The following DIP2B variants were observed in gnomAD, a reference collection of about 807,000 sequenced individuals.
DIP2B encodes DIP2 acetate--CoA ligase B (putative).
A neutral mutation model predicts 198.0 loss-of-function variants in DIP2B; 76 were observed. The observed-to-expected ratio is 0.38, with a 90% CI of 0.32 to 0.46. DIP2B has a LOEUF of 0.46. Ranked by LOEUF, DIP2B falls within the 20% of genes least tolerant of loss-of-function variation. The pLI is 0.99. For synonymous variants in DIP2B, 701 were observed against 739.1 expected (o/e 0.95, Z 0.84); for missense variants, 1,559 against 1,978.4 (o/e 0.79, Z 4.02).
At chr12:50,565,951 T>C (rs1958560054) in intron 1 of DIP2B, among the ~76,000 whole-genome samples, 1 of 152,224 alleles carries the variant, frequency 6.6e-6, no homozygotes, top group African/African-American at 2.4e-5. Context: ...ATTTCATCTT[T>C]TTTTTTTAAA....
At chr12:50,623,431 ACACACACTCT>A (rs1236888580) in intron 1 of DIP2B, among the ~76,000 whole-genome samples, 533 of 51,528 alleles carry the variant, frequency 0.01, no homozygotes, top group Non-Finnish European at 0.015. Flanking sequence ...ACACACACAC[ACACACACTCT>A]CTCTCTCTCT....
At chr12:50,676,186 G>A (rs943319468) in intron 7 of DIP2B, among the ~76,000 whole-genome samples, 9 of 152,226 alleles carry the variant, frequency 5.9e-5, no homozygotes, top group East Asian at 3.9e-4. Context: ...AATGAGAATG[G>A]CCATTTGATA....
At chr12:50,741,373 A>G (rs750887131) in intron 36 of DIP2B, 43 bp from the exon 37 acceptor site, 3 of 1,600,036 alleles carry the variant, frequency 1.9e-6, no homozygotes, top group African/African-American at 1.3e-5. Context: ...TGTTGCACTC[A>G]GTATATGTCC....
chr12:50,710,444 A>T (rs1939595331), intron 22 of DIP2B, among the ~76,000 whole-genome samples: 2 of 150,686 alleles, frequency 1.3e-5, no homozygotes, highest in African/African-American at 4.9e-5. Flanking sequence ...TTTTTTTGAG[A>T]TGGAGTTTCT....
intron 1 of DIP2B, among the ~76,000 whole-genome samples, chr12:50,557,373 A>C (rs1958480670): frequency 6.6e-6 from 1 of 152,192 alleles, no homozygotes; most frequent in Non-Finnish European, 1.5e-5. Flanking sequence ...GGACACAGGC[A>C]GGAGTGAGTA....
In DIP2B at chr12:50,727,750, C is replaced by T. The variant is rs373279057; in HGVS notation, c.3448C>T (p.Pro1150Ser). Residue 1150 changes from proline to serine, a missense_variant, in exon 29 of 38, where the codon CCT (proline) becomes TCT (serine). By Grantham distance (74) the Pro-to-Ser change is moderately conservative. Transcript: ENST00000301180. ...RLPQLYKPPT[P>S]EMLAYLDFSV... ...ACCTCAGCTGTATAAACCGCCCACT[C>T]CTGAGATGTTGGCATATCTTGATTT... The T allele has an allele frequency of 3.1e-4, 497 of 1,614,188 alleles. 4 individuals carry two copies. The South Asian group carries it at 4.7e-3, about 15-fold the overall frequency.
At chr12:50,528,076 C>T (rs1416234904) in intron 1 of DIP2B, among the ~76,000 whole-genome samples, 1 of 151,928 alleles carries the variant, frequency 6.6e-6, no homozygotes, top group African/African-American at 2.4e-5. Context: ...TACAAGCATG[C>T]ACCACCATGC....
At chr12:50,735,048 T>G in intron 33 of DIP2B, 25 bp from the exon 34 acceptor site, 1 of 1,614,018 alleles carries the variant, frequency 6.2e-7, no homozygotes, top group Non-Finnish European at 8.5e-7. Context: ...AAGCCCTATA[T>G]ATAGTAAATA....
chr12:50,623,953 G>A (rs1333075275), intron 1 of DIP2B, among the ~76,000 whole-genome samples: 1 of 152,168 alleles, frequency 6.6e-6, no homozygotes. Context: ...TCTCCTAGTT[G>A]AAAGCCACTG....
chr12:50,511,191 G>A (rs1166303527), intron 1 of DIP2B, among the ~76,000 whole-genome samples: 8 of 150,752 alleles, frequency 5.3e-5, no homozygotes, highest in African/African-American at 2.0e-4. Context: ...TGATCCGCCT[G>A]CTTTGTCCTC....
At chr12:50,594,007 C>A (rs1227285215) in intron 1 of DIP2B, among the ~76,000 whole-genome samples, 2 of 146,938 alleles carry the variant, frequency 1.4e-5, no homozygotes, top group Non-Finnish European at 3.0e-5. Flanking sequence ...ATGGCGCCAT[C>A]TGGGTTCACT....
In DIP2B at chr12:50,630,287, A is replaced by G. The variant is rs796406341; in HGVS notation, c.172+4240A>G. Among the ~76,000 whole-genome samples the G allele has an allele frequency of 6.6e-5, 10 of 152,130 alleles. No individual in the cohort carries two copies. The East Asian group carries it at 1.9e-3, about 29-fold the overall frequency. On this transcript the variant is annotated intron_variant, in intron 2 of 37. Transcript: ENST00000301180. ...TAGGAAATTGTTTTGTTTAGTTTTC[A>G]AAGTTATTTATAATATTCTCTTTGT...
In DIP2B at chr12:50,682,628, C is replaced by CAAAAA. The variant is rs58672851; in HGVS notation, c.1207-489_1207-485dup. Among the ~76,000 whole-genome samples the CAAAAA allele has an allele frequency of 7.9e-3, 333 of 42,128 alleles. 19 individuals carry two copies. Among genetic ancestry groups the CAAAAA allele is most frequent in the African/African-American group, 0.03 (315 of 10,456 alleles). The allele number at this position is 42,128 out of a possible 152,430, so 27.6% of individuals were successfully genotyped here. ...TGGGCGACAGAGCGAGACTCTGTCT[C>CAAAAA]AAAAAAAAAAAAAAAAAAAAAAAAA... On this transcript the variant is annotated intron_variant, in intron 9 of 37. Coordinates refer to ENST00000301180, the MANE Select transcript of DIP2B (RefSeq NM_173602.3).
intron 23 of DIP2B, among the ~76,000 whole-genome samples, chr12:50,716,374 A>G (rs1351938666): frequency 6.6e-6 from 1 of 152,172 alleles, no homozygotes; most frequent in Non-Finnish European, 1.5e-5. Flanking sequence ...ATAATTTCAC[A>G]CAAAAAAGTT....
chr12:50,646,576 C>G lies in DIP2B; in HGVS notation c.301+5724C>G, dbSNP rs551703917. 1.3e-5 allele frequency among the ~76,000 whole-genome samples: 2 copies of G among 152,044 alleles called. 1 individual carries two copies. The highest frequency in any genetic ancestry group is 4.8e-5 in the African/African-American group (2 of 41,398). Reference sequence around the variant, plus strand: ...AGCTAGGATTACAGGCACATACCACCGTGCCCAGCTAATTTTTGTATTTTT... The same window carrying G: ...AGCTAGGATTACAGGCACATACCACGGTGCCCAGCTAATTTTTGTATTTTT... On this transcript the variant is annotated intron_variant, in intron 3 of 37. Coordinates refer to ENST00000301180, the MANE Select transcript of DIP2B (RefSeq NM_173602.3).
intron 21 of DIP2B, 67 bp from the exon 22 acceptor site, chr12:50,708,381 C>A: frequency 1.4e-6 from 2 of 1,435,762 alleles, no homozygotes; most frequent in Non-Finnish European, 1.9e-6. Context: ...TCTGTAATTC[C>A]AGTTAAACAA....
At chr12:50,567,803 CAGGCATGAGCCA>C (rs1303294390) in intron 1 of DIP2B, among the ~76,000 whole-genome samples, 4 of 152,222 alleles carry the variant, frequency 2.6e-5, no homozygotes, top group Admixed American at 2.6e-4. Context: ...GCTGGGACTA[CAGGCATGAGCCA>C]TCGTGCCCGG....
intron 1 of DIP2B, among the ~76,000 whole-genome samples, chr12:50,532,540 G>A (rs1384512556): frequency 6.6e-6 from 1 of 152,016 alleles, no homozygotes; most frequent in Non-Finnish European, 1.5e-5. Context: ...ATAAAAATAA[G>A]AGTGTAATAT....
intron 2 of DIP2B, among the ~76,000 whole-genome samples, chr12:50,637,578 T>C (rs1246001728): frequency 6.6e-6 from 1 of 152,222 alleles, no homozygotes; most frequent in African/African-American, 2.4e-5. Flanking sequence ...ACCCTTGTTC[T>C]TTTCCTCCTT....
Sources: allele counts gnomAD v4.1 joint callset (sites outside exome capture counted in the v4.1 genomes callset), GRCh38; gene constraint gnomAD v4.1.1; transcripts MANE v1.5; gene names NCBI Gene and HGNC (gene_info 2026-07-23, HGNC 2026-07-21).